The following ANKRD35 variants were observed in gnomAD, a reference collection of about 807,000 sequenced individuals.
ANKRD35 encodes the protein ankyrin repeat domain 35.
ANKRD35 carries 102 observed loss-of-function variants against 109.9 expected under a neutral mutation model. The observed-to-expected ratio is 0.93, with a 90% CI of 0.79 to 1.09. The LOEUF is 1.09. Ranked by LOEUF, ANKRD35 falls within the 50% of genes least tolerant of loss-of-function variation. ANKRD35 has a pLI of 0.00. For synonymous variants in ANKRD35, 515 were observed against 512.4 expected (o/e 1.01, Z -0.07); for missense variants, 1,240 against 1,230.1 (o/e 1.01, Z -0.12).
intron 1 of ANKRD35, among the ~76,000 whole-genome samples, chr1:145,883,316 C>A (rs1201508184): frequency 6.6e-6 from 1 of 152,148 alleles, no homozygotes; most frequent in Admixed American, 6.5e-5. Flanking sequence ...AACTCCTGAC[C>A]TCAGGTGATC....
chr1:145,877,272 G>T (rs10752823), intron 4 of ANKRD35, among the ~76,000 whole-genome samples: 9,873 of 144,938 alleles, frequency 0.068, 1,080 homozygotes, highest in African/African-American at 0.24. Flanking sequence ...TCTCTCTGTT[G>T]CCCAGACTGG....
chr1:145,883,990 C>T (rs1553741525), intron 1 of ANKRD35, among the ~76,000 whole-genome samples: 1 of 152,134 alleles, frequency 6.6e-6, no homozygotes, highest in African/African-American at 2.4e-5. Context: ...ATGGTCAAAC[C>T]TCTGTACAGC....
At chr1:145,878,062 T>G (rs879985029) in intron 3 of ANKRD35, 30 bp from the exon 4 acceptor site, 6 of 1,601,484 alleles carry the variant, frequency 3.7e-6, no homozygotes, top group Non-Finnish European at 5.1e-6. Flanking sequence ...AGAAGGAGGG[T>G]AGGTGGCCCC....
At chr1:145,877,392 C>A (rs1472827799) in intron 4 of ANKRD35, among the ~76,000 whole-genome samples, 1 of 152,012 alleles carries the variant, frequency 6.6e-6, no homozygotes. Flanking sequence ...GCCACCACAC[C>A]CAGCTAATCT....
rs1424307317 is a variant in ANKRD35 at position 145,876,392 on chromosome 1, G to A, written c.454-146C>T. ...AACACTCCCTTTTGGAGGGTTAGAA[G>A]CTCTCCAGAAGATAAGGCTTAACCT... is the stretch of plus-strand genomic sequence containing the variant. On this transcript the variant is annotated intron_variant, in intron 6 of 13. Transcript: ENST00000355594. 2.7e-6 allele frequency: 3 copies of A among 1,113,214 alleles called. No individual in the cohort carries two copies. The African/African-American group carries it at 4.7e-5, about 17-fold the overall frequency. 69.0% of individuals were successfully genotyped at this position (1,113,214 alleles called of 1,614,324 possible). A position where few individuals can be genotyped will look rare whatever the true frequency, so the allele number is the denominator to read the frequency against.
intron 10 of ANKRD35, among the ~76,000 whole-genome samples, chr1:145,870,335 G>A (rs763679140): frequency 7.1e-4 from 108 of 151,574 alleles, no homozygotes; most frequent in Non-Finnish European, 1.3e-3. Context: ...CTCGTGATCC[G>A]CCTGCCTCAG....
At chr1:145,875,850 G>GA (rs1462135697) in intron 7 of ANKRD35, among the ~76,000 whole-genome samples, 6 of 151,938 alleles carry the variant, frequency 3.9e-5, no homozygotes, top group Admixed American at 3.9e-4. Context: ...TTTTTTATTG[G>GA]AAAAAAGGAT....
chr1:145,884,750 A>G (rs1442458420), intron 1 of ANKRD35, among the ~76,000 whole-genome samples: 2 of 151,546 alleles, frequency 1.3e-5, no homozygotes. Context: ...CCAAGGAAAC[A>G]GAGAGTATCA....
Position 145,873,218 on chromosome 1 carries a change from G to A in ANKRD35, c.1551C>T (p.Val517=). The change falls in exon 10 of 14, where the codon GTC becomes GTT. Residue 517 remains valine (V), a synonymous_variant. Coordinates refer to ENST00000355594, the MANE Select transcript of ANKRD35 (RefSeq NM_144698.5). ...GGGGAGTCCCCAGGGCTCCCTCCAT[G>A]ACCGGTCTTGACAAAGCCCCCCGGG... ...DAARGALSRP[V]MEGALGTPRA... 1 of 1,613,998 alleles carries A rather than the reference G, an allele frequency of 6.2e-7. No individual in the cohort carries two copies. The highest frequency in any genetic ancestry group is 8.5e-7 in the Non-Finnish European group (1 of 1,180,020).
intron 10 of ANKRD35, among the ~76,000 whole-genome samples, chr1:145,869,401 C>T (rs1202880271): frequency 1.3e-5 from 2 of 151,996 alleles, no homozygotes; most frequent in Non-Finnish European, 2.9e-5. Context: ...AGGCTGGTCT[C>T]GAACTCCTGA....
intron 10 of ANKRD35, among the ~76,000 whole-genome samples, chr1:145,871,289 G>A (rs1351305784): frequency 2.3e-4 from 34 of 148,658 alleles, no homozygotes; most frequent in Non-Finnish European, 1.5e-5. Flanking sequence ...TCAGCCTCCT[G>A]AGTAGCTGGG....
At position 145,873,828 on chromosome 1, in the gene ANKRD35, T is replaced by C. The variant is rs1653951771; in HGVS notation, c.941A>G (p.Gln314Arg). The C allele has an allele frequency of 6.2e-7, 1 of 1,610,842 alleles. No homozygotes were observed. The highest frequency in any genetic ancestry group is 8.5e-7 in the Non-Finnish European group (1 of 1,178,398). Residue 314 changes from glutamine (Q) to arginine (R), a missense_variant, in exon 10 of 14, where the codon CAG becomes CGG. Transcript: ENST00000355594. ...CTCTTCTGTCTTTTGCACCAGCTCC[T>C]GCTCCAGCCGAACAACTTTCCTCCG... ...EERRKVVRLE[Q>R]ELVQKTEECK...
chr1:145,874,625 G>C (rs781979464), intron 8 of ANKRD35, among the ~76,000 whole-genome samples, 197 bp downstream of exon 8: 4 of 152,180 alleles, frequency 2.6e-5, no homozygotes, highest in Non-Finnish European at 4.4e-5. Flanking sequence ...TGAGAGACCA[G>C]GCTGCATTAA....
Position 145,872,610 on chromosome 1 carries a change from C to G in ANKRD35, c.2159G>C (p.Ser720Thr). ...ADLVGERSAQSKAAESLEELR... is the reference protein window; with the variant it reads ...ADLVGERSAQTKAAESLEELR... Reference sequence around the variant, plus strand: ...CTCCTCCAGGGACTCCGCTGCTTTGCTTTGTGCACTCCTCTCGCCCACTAG... The same window carrying G: ...CTCCTCCAGGGACTCCGCTGCTTTGGTTTGTGCACTCCTCTCGCCCACTAG... Residue 720 changes from serine to threonine, a missense_variant, in exon 10 of 14, where the codon AGC (serine) becomes ACC (threonine). Coordinates refer to ENST00000355594, the MANE Select transcript of ANKRD35 (RefSeq NM_144698.5). 1 of 1,613,834 alleles carries G rather than the reference C, an allele frequency of 6.2e-7. No individual in the cohort carries two copies. The highest frequency in any genetic ancestry group is 8.5e-7 in the Non-Finnish European group (1 of 1,179,872).
intron 2 of ANKRD35, among the ~76,000 whole-genome samples, chr1:145,878,834 G>C (rs1482591471): frequency 3.9e-5 from 6 of 152,178 alleles, no homozygotes; most frequent in Non-Finnish European, 5.9e-5. Context: ...ACATTCGAAG[G>C]CTTTGGGTAG....
chr1:145,868,858 A>T (rs1259484152), intron 10 of ANKRD35, among the ~76,000 whole-genome samples: 1 of 152,232 alleles, frequency 6.6e-6, no homozygotes, highest in Non-Finnish European at 1.5e-5. Flanking sequence ...TTGTGACCTT[A>T]CCAGTTCTGA....
In ANKRD35 at chr1:145,877,955, G is replaced by T. The variant is rs997075035; in HGVS notation, c.324+13C>A. 3.7e-5 allele frequency: 59 copies of T among 1,613,090 alleles called. No individual in the cohort carries two copies. Among genetic ancestry groups the T allele is most frequent in the Non-Finnish European group, 4.7e-5 (55 of 1,179,292 alleles). ...TTCCCTTCATAAGAGTGGTATCAAG[G>T]GACTGCTCTTACCTGAAGCAGAACC... On this transcript the variant is annotated intron_variant, in intron 4 of 13. Transcript: ENST00000355594.
chr1:145,873,360 AC>A lies in ANKRD35; in HGVS notation c.1408del (p.Val470PhefsTer2), dbSNP rs1553739325. ...TGTGCCTCCTGGTTCAACTCCTAGA[AC>A]CTGGGAACTCTCCTTCTGACCAGCA... ...LPAGQKESSQVLGVEPGGTVA... is the reference protein window; with the variant it reads ...LPAGQKESSQXLGVEPGGTVA... On this transcript the variant is annotated frameshift_variant, in exon 10 of 14. Coordinates refer to ENST00000355594, the MANE Select transcript of ANKRD35 (RefSeq NM_144698.5). LOFTEE classifies it high-confidence loss of function. 1 of 1,614,098 alleles carries A rather than the reference AC, an allele frequency of 6.2e-7. No homozygotes were observed. Among genetic ancestry groups the A allele is most frequent in the East Asian group, 2.2e-5 (1 of 44,864 alleles).
intron 1 of ANKRD35, among the ~76,000 whole-genome samples, chr1:145,880,020 C>G (rs1654230457): frequency 6.6e-6 from 1 of 152,188 alleles, no homozygotes; most frequent in Non-Finnish European, 1.5e-5. Context: ...GCGACCGTCT[C>G]TCTCCTTTCC....
Sources: allele counts gnomAD v4.1 joint callset (sites outside exome capture counted in the v4.1 genomes callset), GRCh38; gene constraint gnomAD v4.1.1; transcripts MANE v1.5; gene names NCBI Gene and HGNC (gene_info 2026-07-23, HGNC 2026-07-21).